Variants in RPS6KB1 observed in about 807,000 individuals in gnomAD.
RPS6KB1 encodes ribosomal protein S6 kinase B1.
A neutral mutation model predicts 70.2 loss-of-function variants in RPS6KB1; 12 were observed. The observed-to-expected ratio is 0.17, with a 90% confidence interval of 0.11 to 0.28. The LOEUF (loss-of-function observed/expected upper bound fraction) is 0.28, where lower values mean the gene tolerates loss of function less well. Among genes scored for constraint, RPS6KB1 ranks in the 10% least tolerant of loss-of-function variants. RPS6KB1 has a pLI of 1.00. For missense variants in RPS6KB1, 270 were observed against 646.6 expected (o/e 0.42, Z 6.32); for synonymous variants, 175 against 211.2 (o/e 0.83, Z 1.49).
intron 1 of RPS6KB1, among the ~76,000 whole-genome samples, chr17:59,907,892 G>A (rs1044208800): frequency 6.6e-6 from 1 of 151,862 alleles, no homozygotes; most frequent in African/African-American, 2.4e-5. Flanking sequence ...TTTCATTTTG[G>A]GATTGTTCAT....
At position 59,949,833 on chromosome 17, in the gene RPS6KB1, T is replaced by G. The variant is rs2045118647; in HGVS notation, c.*3045T>G. Reference sequence around the variant, plus strand: ...TGAATGATTATAAACAAGATGCATCTTAGATAGTATTAATATACTGAGCCT... The same window carrying G: ...TGAATGATTATAAACAAGATGCATCGTAGATAGTATTAATATACTGAGCCT... On this transcript the variant is annotated 3_prime_UTR_variant, in exon 15 of 15. Transcript: ENST00000225577. The G allele has an allele frequency of 1.4e-5, 2 of 148,094 alleles. No homozygotes were observed. Among genetic ancestry groups the G allele is most frequent in the Non-Finnish European group, 3.0e-5 (2 of 67,198 alleles). The allele number at this position is 148,094 out of a possible 1,614,324, so 9.2% of individuals were successfully genotyped here.
intron 13 of RPS6KB1, among the ~76,000 whole-genome samples, chr17:59,943,890 T>TA (rs1555654697): frequency 0.079 from 10,424 of 131,242 alleles, 597 homozygotes; most frequent in Admixed American, 0.11. Context: ...AAAAAAAAAA[T>TA]TATATATATA....
chr17:59,919,938 T>A (rs1453169578), intron 4 of RPS6KB1, among the ~76,000 whole-genome samples: 1 of 152,322 alleles, frequency 6.6e-6, no homozygotes, highest in South Asian at 2.1e-4. Context: ...TTAGGTTTGA[T>A]CTTACCCCAC....
At chr17:59,907,082 C>T (rs903385360) in intron 1 of RPS6KB1, 1 of 151,050 alleles carries the variant, frequency 6.6e-6, no homozygotes, top group African/African-American at 2.4e-5. Flanking sequence ...TGGCTCACTG[C>T]AAGCTCCGCC....
At chr17:59,921,862 C>A (rs1263315364) in intron 4 of RPS6KB1, among the ~76,000 whole-genome samples, 3 of 152,122 alleles carry the variant, frequency 2.0e-5, no homozygotes, top group African/African-American at 2.4e-5. Context: ...TTTCATAGAA[C>A]AATAACTTTC....
At position 59,935,183 on chromosome 17, in the gene RPS6KB1, C is replaced by T. The variant is rs2044158601; in HGVS notation, c.871-10C>T. On this transcript the variant is annotated splice_polypyrimidine_tract_variant and intron_variant, in intron 9 of 14. Coordinates refer to ENST00000225577, the MANE Select transcript of RPS6KB1 (RefSeq NM_003161.4). Reference sequence around the variant, plus strand: ...CCTGCTAATATTTTTCACTTGTCTTCTACTCTTAGCCCCCATTCACTGGGG... The same window carrying T: ...CCTGCTAATATTTTTCACTTGTCTTTTACTCTTAGCCCCCATTCACTGGGG... 6.4e-7 allele frequency: 1 copy of T among 1,552,812 alleles called. No individual in the cohort carries two copies. Among genetic ancestry groups the T allele is most frequent in the Non-Finnish European group, 8.8e-7 (1 of 1,130,286 alleles).
intron 1 of RPS6KB1, among the ~76,000 whole-genome samples, chr17:59,900,220 A>ACACACACACACC (rs2041842375): frequency 7.3e-6 from 1 of 136,764 alleles, no homozygotes; most frequent in Non-Finnish European, 1.5e-5. Context: ...ACACACACAC[A>ACACACACACACC]CACACACACA....
At chr17:59,937,863 T>C (rs1428043812) in intron 12 of RPS6KB1, among the ~76,000 whole-genome samples, 1 of 152,144 alleles carries the variant, frequency 6.6e-6, no homozygotes, top group Non-Finnish European at 1.5e-5. Context: ...AATCAGTTAG[T>C]GTGTTAGTTA....
chr17:59,897,719 C>T (rs1422796365), intron 1 of RPS6KB1, among the ~76,000 whole-genome samples: 1 of 152,094 alleles, frequency 6.6e-6, no homozygotes, highest in Non-Finnish European at 1.5e-5. Flanking sequence ...GTAATCCCAG[C>T]ACTTTGGGAG....
In RPS6KB1 at chr17:59,940,859, G is replaced by C; in HGVS notation, c.1143G>C (p.Gln381His). Reference sequence around the variant, plus strand: ...AGCAATCTGAAGAGGATGTAAGTCAGTTTGATTCCAAGTTTACACGTCAGA... The same window carrying C: ...AGCAATCTGAAGAGGATGTAAGTCACTTTGATTCCAAGTTTACACGTCAGA... ...PLLQSEEDVS[Q>H]FDSKFTRQTP... Residue 381 changes from glutamine (Q) to histidine (H), a missense_variant, in exon 13 of 15, where the codon CAG becomes CAC. Gln to His is a conservative substitution (Grantham distance 24, BLOSUM62 0). Around this residue, in one of 4 missense-constraint regions of RPS6KB1, gnomAD observed 133 missense variants for 314.7 expected, o/e 0.42. Transcript: ENST00000225577. The C allele has an allele frequency of 6.3e-7, 1 of 1,588,888 alleles. No individual in the cohort carries two copies.
chr17:59,940,576 A>T (rs1199716909), intron 12 of RPS6KB1, among the ~76,000 whole-genome samples: 3 of 152,046 alleles, frequency 2.0e-5, no homozygotes, highest in Admixed American at 6.6e-5. Context: ...GTGAGCCACC[A>T]TGCCCAGTCG....
In RPS6KB1 at chr17:59,933,717, T is replaced by G. The variant is rs187718392; in HGVS notation, c.689-453T>G. 2.0e-5 allele frequency among the ~76,000 whole-genome samples: 3 copies of G among 152,320 alleles called. No homozygotes were observed. The East Asian group carries it at 5.8e-4, about 29-fold the overall frequency. ...TGTTATAATGAGTTTCTGAGACCAT[T>G]TTAAGGACTCTTCACAGTTCACTGT... On this transcript the variant is annotated intron_variant, in intron 7 of 14. Transcript: ENST00000225577.
In RPS6KB1 at chr17:59,949,962, A is replaced by C. The variant is rs1394860038; in HGVS notation, c.*3174A>C. On this transcript the variant is annotated 3_prime_UTR_variant, in exon 15 of 15. Coordinates refer to ENST00000225577, the MANE Select transcript of RPS6KB1 (RefSeq NM_003161.4). ...AAGATTATTCCCATGAGAAATGTTG[A>C]ATTTATGAAGAATAGATTTTAAGGC... 1 of 152,488 alleles carries C rather than the reference A, an allele frequency of 6.6e-6. No individual in the cohort carries two copies. Among genetic ancestry groups the C allele is most frequent in the African/African-American group, 2.4e-5 (1 of 41,432 alleles). 9.4% of individuals were successfully genotyped at this position (152,488 alleles called of 1,614,324 possible).
intron 1 of RPS6KB1, among the ~76,000 whole-genome samples, chr17:59,900,227 CA>C (rs1205635851): frequency 3.5e-3 from 496 of 143,660 alleles, no homozygotes; most frequent in South Asian, 8.0e-3. Context: ...CACACACACA[CA>C]CACCCCTATG....
At chr17:59,944,277 G>T (rs1481462444) in intron 13 of RPS6KB1, among the ~76,000 whole-genome samples, 1 of 152,170 alleles carries the variant, frequency 6.6e-6, no homozygotes, top group African/African-American at 2.4e-5. Context: ...GGTGAAGATG[G>T]TTAAAAGAAT....
chr17:59,921,742 A>G (rs764143013), intron 4 of RPS6KB1, among the ~76,000 whole-genome samples: 2 of 152,076 alleles, frequency 1.3e-5, no homozygotes, highest in Non-Finnish European at 2.9e-5. Flanking sequence ...CAGTTGCAGC[A>G]AAAATATACC....
intron 3 of RPS6KB1, chr17:59,913,693 TTTTTA>T (rs2042779139): frequency 6.6e-6 from 1 of 152,106 alleles, no homozygotes; most frequent in Admixed American, 6.6e-5. Flanking sequence ...TATGCTTAAT[TTTTTA>T]TTTTATTTTT....
chr17:59,900,913 G>A (rs2041897445), intron 1 of RPS6KB1, among the ~76,000 whole-genome samples: 1 of 151,382 alleles, frequency 6.6e-6, no homozygotes, highest in Non-Finnish European at 1.5e-5. Flanking sequence ...TGTAATCTCA[G>A]TACTTTGGGA....
chr17:59,895,827 TTCACCATGTTGCCCAGGGTGGGC>T (rs2041519652), intron 1 of RPS6KB1, among the ~76,000 whole-genome samples: 1 of 151,994 alleles, frequency 6.6e-6, no homozygotes, highest in Non-Finnish European at 1.5e-5. Flanking sequence ...GAGATGGGGT[TTCACCATGTTGCCCAGGGTGGGC>T]CTGAACTCCT....
Sources: allele counts gnomAD v4.1 joint callset (sites outside exome capture counted in the v4.1 genomes callset), GRCh38; gene constraint gnomAD v4.1.1; regional missense constraint gnomAD v4.1.1; transcripts MANE v1.5; gene names NCBI Gene and HGNC (gene_info 2026-07-23, HGNC 2026-07-21).